The following TNKS variants were observed in gnomAD, a reference collection of about 807,000 sequenced individuals.
TNKS encodes tankyrase, also known as poly [ADP-ribose] polymerase tankyrase-1.
Under a neutral mutation model 135.8 loss-of-function variants are expected in TNKS, and 72 were observed. The observed-to-expected ratio is 0.53, with a 90% confidence interval of 0.44 to 0.64. The LOEUF is 0.64. Among genes scored for constraint, TNKS ranks in the 30% least tolerant of loss-of-function variants. TNKS has a pLI of 0.00. For missense variants in TNKS, 1,769 were observed against 1,674.0 expected, an observed-to-expected ratio of 1.06 and a Z score of -0.99; for synonymous variants, 849 against 649.3, an observed-to-expected ratio of 1.31 and a Z score of -4.68.
chr8:9,669,458 A>C (rs1310809409), intron 3 of TNKS, among the ~76,000 whole-genome samples: 2 of 152,162 alleles, frequency 1.3e-5, no homozygotes, highest in East Asian at 3.9e-4. Context: ...TGGAAAAAAG[A>C]AAGTAGGGAC....
Position 9,708,443 on chromosome 8 carries a change from C to T in TNKS, c.1529C>T (p.Ala510Val). 3 of 1,609,718 alleles carry T rather than the reference C, an allele frequency of 1.9e-6. No individual in the cohort carries two copies. The highest frequency in any genetic ancestry group is 4.5e-5 in the East Asian group (2 of 44,648). Residue 510 changes from alanine to valine, a missense_variant, in exon 9 of 27, where the codon GCT (alanine) becomes GTT (valine). By Grantham distance (64) the Ala-to-Val change is moderately conservative. Around this residue, in one of 5 missense-constraint regions of TNKS, gnomAD observed 523 missense variants for 541.0 expected, o/e 0.97. Transcript: ENST00000310430. ...TTAGCTAAAGTTAAAAAAACACTCGCTCTGGAAATCATTAATTTCAAACAA... is the reference window on the plus strand; with the variant it reads ...TTAGCTAAAGTTAAAAAAACACTCGTTCTGGAAATCATTAATTTCAAACAA... ...ADLAKVKKTL[A>V]LEIINFKQPQ...
Position 9,767,843 on chromosome 8 carries a change from A to C in TNKS, c.3740+1418A>C, listed in dbSNP as rs189983361. 7.1e-3 allele frequency among the ~76,000 whole-genome samples: 1,074 copies of C among 151,830 alleles called. 11 individuals are homozygous for C. Among genetic ancestry groups the C allele is most frequent in the African/African-American group, 0.023 (961 of 41,386 alleles). On this transcript the variant is annotated intron_variant, in intron 25 of 26. Transcript: ENST00000310430. ...GCGTGGTGGCAGGCGCTTGTAGTCCAAGCTACTCGGGAGGCTGAGGCAGGA... is the reference window on the plus strand; with the variant it reads ...GCGTGGTGGCAGGCGCTTGTAGTCCCAGCTACTCGGGAGGCTGAGGCAGGA...
intron 12 of TNKS, among the ~76,000 whole-genome samples, chr8:9,724,279 G>A (rs1191374630): frequency 9.2e-5 from 14 of 152,052 alleles, no homozygotes; most frequent in South Asian, 4.2e-4. Flanking sequence ...GCGAAACCCC[G>A]TCTCTACTTA....
At chr8:9,751,936 A>C in intron 19 of TNKS, 90 bp downstream of exon 19, 1 of 1,134,834 alleles carries the variant, frequency 8.8e-7, no homozygotes, top group Non-Finnish European at 1.3e-6. Context: ...TGAATGCCTC[A>C]ATTAGAGACG....
At chr8:9,598,336 C>T (rs895557558) in intron 2 of TNKS, among the ~76,000 whole-genome samples, 6 of 152,050 alleles carry the variant, frequency 3.9e-5, no homozygotes, top group African/African-American at 9.7e-5. Flanking sequence ...TGTGAGCCAC[C>T]GCGCCCGGCC....
chr8:9,769,278 C>T (rs950592758), intron 25 of TNKS, among the ~76,000 whole-genome samples: 1 of 152,198 alleles, frequency 6.6e-6, no homozygotes, highest in Admixed American at 6.5e-5. Flanking sequence ...CTTGCTAACC[C>T]CTGGTGTATA....
At chr8:9,573,583 G>T (rs1282108924) in intron 1 of TNKS, among the ~76,000 whole-genome samples, 1 of 152,216 alleles carries the variant, frequency 6.6e-6, no homozygotes, top group Non-Finnish European at 1.5e-5. Flanking sequence ...ATGTATATGA[G>T]AGAGTTCCAT....
In TNKS at chr8:9,565,038, G is replaced by A. The variant is rs12548285; in HGVS notation, c.673+8426G>A. On this transcript the variant is annotated intron_variant, in intron 1 of 26. Coordinates refer to ENST00000310430, the MANE Select transcript of TNKS (RefSeq NM_003747.3). Reference sequence around the variant, plus strand: ...AAAAAAAAAATCACTTTGATTTCAAGTAATTGAGGAAAGTTTTAGGTGTTT... The same window carrying A: ...AAAAAAAAAATCACTTTGATTTCAAATAATTGAGGAAAGTTTTAGGTGTTT... Among the ~76,000 whole-genome samples the A allele has an allele frequency of 1.6e-4, 25 of 151,574 alleles. No homozygotes were observed. In the East Asian group the frequency reaches 4.9e-3, roughly 29 times the overall value.
chr8:9,767,292 C>A (rs769607950), intron 25 of TNKS, among the ~76,000 whole-genome samples: 3 of 152,134 alleles, frequency 2.0e-5, no homozygotes, highest in Non-Finnish European at 4.4e-5. Context: ...GGTATAATCT[C>A]TGTGATGTCA....
chr8:9,645,609 G>A (rs9644703), intron 3 of TNKS, among the ~76,000 whole-genome samples: 148,271 of 152,176 alleles, frequency 0.97, 72,345 homozygotes, highest in East Asian at 1. Context: ...GGGACTATGA[G>A]GCACATACTT....
chr8:9,734,970 T>C lies in TNKS; in HGVS notation c.2419T>C (p.Leu807=), dbSNP rs778841093. 1.9e-6 allele frequency: 3 copies of C among 1,614,140 alleles called. No individual in the cohort carries two copies. Among genetic ancestry groups the C allele is most frequent in the Non-Finnish European group, 2.5e-6 (3 of 1,180,016 alleles). ...IQDLLRGDAA[L]LDAAKKGCLA... ...GGACTTACTGAGAGGGGATGCTGCT[T>C]TGTTGGATGCTGCCAAGAAGGGCTG... Residue 807 remains leucine (L), a synonymous_variant, in exon 16 of 27, where the codon TTG becomes CTG. Transcript: ENST00000310430.
At chr8:9,691,235 T>C (rs762637934) in intron 5 of TNKS, among the ~76,000 whole-genome samples, 1 of 150,306 alleles carries the variant, frequency 6.7e-6, no homozygotes, top group Non-Finnish European at 1.5e-5. Flanking sequence ...GGAGGCAGAA[T>C]CAATTATTCT....
intron 3 of TNKS, among the ~76,000 whole-genome samples, chr8:9,663,557 C>T (rs981916128): frequency 6.6e-6 from 1 of 152,134 alleles, no homozygotes; most frequent in Non-Finnish European, 1.5e-5. Flanking sequence ...AACGTCAGAT[C>T]CAGTGAGTTA....
intron 3 of TNKS, among the ~76,000 whole-genome samples, chr8:9,647,525 A>G (rs1800962341): frequency 6.6e-6 from 1 of 152,222 alleles, no homozygotes; most frequent in Admixed American, 6.5e-5. Flanking sequence ...GAAAATACCA[A>G]GCCTTTTAAG....
chr8:9,781,583 C>T lies in TNKS; in HGVS notation c.*4847C>T, dbSNP rs1005512607. ...TGTGCATATAACACCTGCTTCTGCTCCCATTGTTTCAAGCTCATCTTATCT... is the reference window on the plus strand; with the variant it reads ...TGTGCATATAACACCTGCTTCTGCTTCCATTGTTTCAAGCTCATCTTATCT... On this transcript the variant is annotated 3_prime_UTR_variant, in exon 27 of 27. Transcript: ENST00000310430. 2 of 152,500 alleles carry T rather than the reference C, an allele frequency of 1.3e-5. No individual in the cohort carries two copies. Among genetic ancestry groups the T allele is most frequent in the African/African-American group, 4.8e-5 (2 of 41,448 alleles). The allele number at this position is 152,500 out of a possible 1,614,324, so 9.4% of individuals were successfully genotyped here.
chr8:9,658,839 C>A (rs1212559123), intron 3 of TNKS, among the ~76,000 whole-genome samples: 1 of 151,950 alleles, frequency 6.6e-6, no homozygotes, highest in African/African-American at 2.4e-5. Context: ...TCAGGAAACC[C>A]ATCTCATGTG....
At chr8:9,649,878 CTTTTTTTTTTT>C (rs71201959) in intron 3 of TNKS, among the ~76,000 whole-genome samples, 8 of 83,360 alleles carry the variant, frequency 9.6e-5, no homozygotes, top group African/African-American at 3.7e-4. Flanking sequence ...CTTTTCTTTT[CTTTTTTTTTTT>C]TTTTTTTTTT....
At chr8:9,621,617 C>T (rs4383973) in intron 3 of TNKS, among the ~76,000 whole-genome samples, 10,938 of 151,992 alleles carry the variant, frequency 0.072, 432 homozygotes, top group South Asian at 0.17. Context: ...GGCCATTGTT[C>T]TGTTAGTTTG....
At chr8:9,680,551 G>C (rs1157430304) in intron 4 of TNKS, among the ~76,000 whole-genome samples, 174 bp from the exon 5 acceptor site, 1 of 152,042 alleles carries the variant, frequency 6.6e-6, no homozygotes, top group Non-Finnish European at 1.5e-5. Flanking sequence ...GTAATTAACA[G>C]GAATTAATTA....
Sources: gnomAD v4.1 joint callset for allele counts (sites outside exome capture counted in the v4.1 genomes callset) on GRCh38, gnomAD v4.1.1 for gene constraint, gnomAD v4.1.1 regional missense constraint, MANE v1.5 for transcripts, NCBI Gene and HGNC (gene_info 2026-07-23, HGNC 2026-07-21) for gene names.